The following ODAD2 variants were observed in gnomAD, a reference collection of about 807,000 sequenced individuals.
The protein encoded by ODAD2 is outer dynein arm docking complex subunit 2.
ODAD2 carries 89 observed loss-of-function variants against 106.8 expected under a neutral mutation model. The ratio of observed to expected loss-of-function variants is 0.83; its 90% CI spans 0.70 to 0.99. ODAD2 has a LOEUF of 0.99. Among genes scored for constraint, ODAD2 ranks in the 50% least tolerant of loss-of-function variants. The pLI is 0.00. For missense variants in ODAD2, 1,168 were observed against 1,238.5 expected (o/e 0.94, Z 0.85); for synonymous variants, 404 against 436.2 (o/e 0.93, Z 0.92).
chr10:27,815,329 A>G (rs1476139630), intron 19 of ODAD2, among the ~76,000 whole-genome samples: 1 of 152,228 alleles, frequency 6.6e-6, no homozygotes, highest in East Asian at 1.9e-4. Context: ...CATTAAAAAT[A>G]AAACAAAACA....
At chr10:27,862,932 A>G (rs1840160045) in intron 17 of ODAD2, among the ~76,000 whole-genome samples, 1 of 152,184 alleles carries the variant, frequency 6.6e-6, no homozygotes, top group Non-Finnish European at 1.5e-5. Flanking sequence ...AGTACAGTTG[A>G]TTCTTACTAT....
chr10:27,921,046 G>C (rs1931890), intron 16 of ODAD2, among the ~76,000 whole-genome samples: 49 of 152,246 alleles, frequency 3.2e-4, no homozygotes, highest in African/African-American at 1.1e-3. Context: ...ACTTTACAAC[G>C]TGTGGAAGGA....
intron 17 of ODAD2, among the ~76,000 whole-genome samples, chr10:27,890,203 G>C (rs563523650): frequency 1.3e-5 from 2 of 152,256 alleles, no homozygotes; most frequent in Non-Finnish European, 2.9e-5. Flanking sequence ...CAGTGCAATG[G>C]GAGTGCTTAA....
At chr10:27,885,140 G>A (rs1170548980) in intron 17 of ODAD2, among the ~76,000 whole-genome samples, 1 of 151,630 alleles carries the variant, frequency 6.6e-6, no homozygotes, top group Non-Finnish European at 1.5e-5. Context: ...GTATATTGAA[G>A]GAACTAAAGA....
intron 16 of ODAD2, among the ~76,000 whole-genome samples, chr10:27,918,000 T>C (rs1421198925): frequency 6.6e-6 from 1 of 151,982 alleles, no homozygotes. Context: ...GCCATATCTT[T>C]AAATAAATTG....
intron 10 of ODAD2, among the ~76,000 whole-genome samples, chr10:27,952,723 G>A (rs1173479734): frequency 6.6e-6 from 1 of 152,108 alleles, no homozygotes; most frequent in Non-Finnish European, 1.5e-5. Flanking sequence ...GGGCATAAGG[G>A]TCTTCTGTTT....
intron 17 of ODAD2, among the ~76,000 whole-genome samples, chr10:27,894,133 A>G (rs7099871): frequency 6.6e-6 from 1 of 151,330 alleles, no homozygotes; most frequent in East Asian, 1.9e-4. Flanking sequence ...AGAGTGAGAC[A>G]CCATCTCTAA....
At chr10:27,934,899 A>T in intron 16 of ODAD2, 111 bp downstream of exon 16, 1 of 1,334,014 alleles carries the variant, frequency 7.5e-7, no homozygotes, top group South Asian at 1.4e-5. Context: ...GACACACTGT[A>T]TTTTTTCATC....
intron 10 of ODAD2, among the ~76,000 whole-genome samples, chr10:27,953,120 C>T (rs187573340): frequency 1.3e-5 from 2 of 152,206 alleles, no homozygotes; most frequent in Admixed American, 1.3e-4. Context: ...TAAATATATC[C>T]ATCACCTGAA....
At chr10:27,991,283 A>G (rs1850222173) in intron 2 of ODAD2, among the ~76,000 whole-genome samples, 1 of 152,044 alleles carries the variant, frequency 6.6e-6, no homozygotes, top group African/African-American at 2.4e-5. Flanking sequence ...TTAAACGTGG[A>G]AAGATGATGA....
chr10:27,903,715 T>C (rs183825660), intron 17 of ODAD2, among the ~76,000 whole-genome samples: 2 of 152,202 alleles, frequency 1.3e-5, no homozygotes, highest in Admixed American at 1.3e-4. Context: ...ACAAAGAGAA[T>C]AAAATACCTA....
chr10:27,997,003 T>C (rs1850593842), intron 1 of ODAD2, among the ~76,000 whole-genome samples: 1 of 152,228 alleles, frequency 6.6e-6, no homozygotes, highest in Non-Finnish European at 1.5e-5. Flanking sequence ...GATTATAATC[T>C]ATGATATTGA....
chr10:27,987,435 T>C lies in ODAD2; in HGVS notation c.333A>G (p.Leu111=). ...TCAACTTCCCAGTTTTGGCAATAAG[T>C]AACAAGCGTGACAGCTGCCCAAAGC... ...IRSFGQLSRL[L]LIAKTGKLKE... is the part of the protein sequence containing the mutation. Residue 111 remains leucine (L), a synonymous_variant, in exon 3 of 20, where the codon TTA becomes TTG. Transcript: ENST00000305242. 1.9e-6 allele frequency: 3 copies of C among 1,613,768 alleles called. No homozygotes were observed. The highest frequency in any genetic ancestry group is 2.5e-6 in the Non-Finnish European group (3 of 1,179,826).
chr10:27,899,135 G>A (rs1843028617), intron 17 of ODAD2, among the ~76,000 whole-genome samples: 1 of 151,798 alleles, frequency 6.6e-6, no homozygotes, highest in African/African-American at 2.4e-5. Context: ...GGACTTGTTA[G>A]ACAGTGGGTA....
intron 17 of ODAD2, among the ~76,000 whole-genome samples, chr10:27,863,530 G>T (rs1022283679): frequency 6.6e-6 from 1 of 152,158 alleles, no homozygotes; most frequent in African/African-American, 2.4e-5. Flanking sequence ...AAATTCCCAA[G>T]GAGAATTTGT....
At chr10:27,838,009 A>G (rs1838030696) in intron 19 of ODAD2, among the ~76,000 whole-genome samples, 1 of 152,232 alleles carries the variant, frequency 6.6e-6, no homozygotes, top group Non-Finnish European at 1.5e-5. Context: ...AGATCCTAAG[A>G]ATCTAAGATT....
chr10:27,971,358 T>C (rs754376700), intron 7 of ODAD2, 45 bp from the exon 8 acceptor site: 10 of 1,450,112 alleles, frequency 6.9e-6, no homozygotes, highest in South Asian at 4.2e-5. Flanking sequence ...ATCTGAATTA[T>C]CTAGTGTTCT....
intron 7 of ODAD2, among the ~76,000 whole-genome samples, chr10:27,971,604 A>G (rs1475954373): frequency 6.6e-6 from 1 of 152,182 alleles, no homozygotes; most frequent in African/African-American, 2.4e-5. Flanking sequence ...AAAACCCTCT[A>G]TTGACTAAAA....
intron 12 of ODAD2, among the ~76,000 whole-genome samples, chr10:27,942,381 G>A (rs2132603274): frequency 1.3e-5 from 2 of 152,198 alleles, no homozygotes; most frequent in South Asian, 4.1e-4. Context: ...TAGAAGTCTG[G>A]TGATATTTTT....
Sources: allele counts gnomAD v4.1 joint callset (sites outside exome capture counted in the v4.1 genomes callset), GRCh38; gene constraint gnomAD v4.1.1; transcripts MANE v1.5; gene names NCBI Gene and HGNC (gene_info 2026-07-23, HGNC 2026-07-21).